The following UTP20 variants were observed in gnomAD, a reference collection of about 807,000 sequenced individuals.
UTP20 encodes UTP20 small subunit processome component.
UTP20 carries 164 observed loss-of-function variants against 329.5 expected under a neutral mutation model. The observed-to-expected ratio is 0.50, with a 90% CI of 0.44 to 0.57. UTP20 has a LOEUF of 0.57. Ranked by LOEUF, UTP20 falls within the 20% of genes least tolerant of loss-of-function variation. UTP20 has a pLI of 0.00. For missense variants in UTP20, 3,055 were observed against 3,284.2 expected (o/e 0.93, Z 1.71); for synonymous variants, 1,151 against 1,159.3 (o/e 0.99, Z 0.14).
chr12:101,324,992 C>T (rs1868506460), intron 25 of UTP20, among the ~76,000 whole-genome samples: 1 of 152,166 alleles, frequency 6.6e-6, no homozygotes, highest in South Asian at 2.1e-4. Context: ...TAGCCATCCA[C>T]ATGACAAAAC....
At chr12:101,330,417 C>T (rs1253702257) in intron 27 of UTP20, among the ~76,000 whole-genome samples, 2 of 152,052 alleles carry the variant, frequency 1.3e-5, no homozygotes, top group African/African-American at 2.4e-5. Flanking sequence ...ACTTTGTAGG[C>T]TATGATGAGG....
rs1868587048 is a variant in UTP20, at chr12:101,327,115, A to G, written c.3076A>G (p.Ser1026Gly). Residue 1026 changes from serine (S) to glycine (G), a missense_variant, in exon 26 of 62, where the codon AGT (serine) becomes GGT (glycine). By Grantham distance (56) the Ser-to-Gly change is moderately conservative. Transcript: ENST00000261637. ...TGGGCGAATGAAGAATAAGACTGGGAGTAAAACTCAGGGGAAATCTGCTTC... is the reference window on the plus strand; with the variant it reads ...TGGGCGAATGAAGAATAAGACTGGGGGTAAAACTCAGGGGAAATCTGCTTC... ...LYGRMKNKTG[S>G]KTQGKSASGT... 6.2e-7 allele frequency: 1 copy of G among 1,612,078 alleles called. No individual in the cohort carries two copies. Among genetic ancestry groups the G allele is most frequent in the Non-Finnish European group, 8.5e-7 (1 of 1,178,332 alleles).
At position 101,383,332 on chromosome 12, in the gene UTP20, ATGAC is replaced by A. The variant is rs1454927055; in HGVS notation, c.7929+24_7929+27del. On this transcript the variant is annotated intron_variant, in intron 59 of 61. Transcript: ENST00000261637. ...CTTAAAGGTGCGATGAATGCACAGA[ATGAC>A]TGACAGTAGTCATTTCTCTTTAAAA... 2 of 1,602,946 alleles carry A rather than the reference ATGAC, an allele frequency of 1.2e-6. No individual in the cohort carries two copies. Among genetic ancestry groups the A allele is most frequent in the African/African-American group, 2.7e-5 (2 of 74,448 alleles).
At chr12:101,312,350 A>G (rs1245877087) in intron 21 of UTP20, 74 bp downstream of exon 21, 6 of 1,549,716 alleles carry the variant, frequency 3.9e-6, no homozygotes, top group Non-Finnish European at 4.3e-6. Flanking sequence ...TAACCTCCCA[A>G]AGTGGCTGAG....
chr12:101,313,990 G>A (rs572234369), intron 21 of UTP20, among the ~76,000 whole-genome samples: 1 of 152,268 alleles, frequency 6.6e-6, no homozygotes, highest in Non-Finnish European at 1.5e-5. Context: ...GTTTGATCTG[G>A]AGATAACAAA....
At chr12:101,376,742 C>T (rs1593455586) in intron 56 of UTP20, among the ~76,000 whole-genome samples, 1 of 152,134 alleles carries the variant, frequency 6.6e-6, no homozygotes, top group South Asian at 2.1e-4. Flanking sequence ...CTCCGCCTTC[C>T]GGATTCAAGT....
At chr12:101,372,738 A>T in intron 51 of UTP20, 146 bp from the exon 52 acceptor site, 1 of 626,068 alleles carries the variant, frequency 1.6e-6, no homozygotes, top group Non-Finnish European at 2.8e-6. Context: ...TCATAGGCAG[A>T]TTTAGCTGGA....
At chr12:101,286,191 T>C (rs1565783707) in intron 4 of UTP20, 130 bp from the exon 5 acceptor site, 2 of 922,904 alleles carry the variant, frequency 2.2e-6, no homozygotes, top group Non-Finnish European at 3.1e-6. Context: ...AATTTTATAA[T>C]TTTTCAGACT....
chr12:101,311,729 C>A lies in UTP20; in HGVS notation c.2242C>A (p.His748Asn), dbSNP rs749099686. 1 of 1,610,628 alleles carries A rather than the reference C, an allele frequency of 6.2e-7. No individual in the cohort carries two copies. The highest frequency in any genetic ancestry group is 1.3e-5 in the African/African-American group (1 of 74,464). Residue 748 changes from histidine (H) to asparagine (N), a missense_variant, in exon 20 of 62, where the codon CAC becomes AAC. Physicochemically the swap from His to Asn is moderately conservative, Grantham distance 68 (BLOSUM62 1). This residue lies in a region of UTP20 where 2,445 missense variants were observed against 2,575.5 expected (regional missense o/e 0.95). Coordinates refer to ENST00000261637, the MANE Select transcript of UTP20 (RefSeq NM_014503.3). ...PVIELISSHA[H>N]EMENKQFWKV... ...TTTTTTTTCCCTTAGTTCTCATGCA[C>A]ACGAAATGGAAAATAAGCAATTTTG...
At chr12:101,378,886 C>T (rs1409626823) in intron 56 of UTP20, among the ~76,000 whole-genome samples, 1 of 152,100 alleles carries the variant, frequency 6.6e-6, no homozygotes, top group Non-Finnish European at 1.5e-5. Flanking sequence ...GTGCCTCTCC[C>T]ACCTCACTTC....
intron 41 of UTP20, 130 bp downstream of exon 41, chr12:101,355,248 C>G: frequency 1.0e-6 from 1 of 1,003,894 alleles, no homozygotes; most frequent in South Asian, 1.7e-5. Flanking sequence ...CAACACTTCA[C>G]AATTCACCCC....
chr12:101,319,951 A>T (rs897396983), intron 23 of UTP20, among the ~76,000 whole-genome samples: 3 of 152,218 alleles, frequency 2.0e-5, no homozygotes, highest in Non-Finnish European at 2.9e-5. Context: ...TATACAAAAA[A>T]ACAAGTGACT....
chr12:101,375,181 T>G (rs1307987331), intron 55 of UTP20, among the ~76,000 whole-genome samples: 1 of 152,106 alleles, frequency 6.6e-6, no homozygotes, highest in Non-Finnish European at 1.5e-5. Flanking sequence ...CATGCCTGTA[T>G]TTCCACCTTT....
At chr12:101,356,232 T>A (rs370389983) in intron 41 of UTP20, among the ~76,000 whole-genome samples, 25 of 152,340 alleles carry the variant, frequency 1.6e-4, no homozygotes, top group African/African-American at 5.3e-4. Context: ...GTTCAAGCGA[T>A]TCTCCTGCCT....
chr12:101,362,600 A>C lies in UTP20; in HGVS notation c.5790+540A>C, dbSNP rs984910345. On this transcript the variant is annotated intron_variant, in intron 44 of 61. Coordinates refer to ENST00000261637, the MANE Select transcript of UTP20 (RefSeq NM_014503.3). ...GCACCTGTAATCCCAGCTACCCAGG[A>C]GGCTGAAGCAGGAAAATCCCCTGAA... 2.8e-4 allele frequency among the ~76,000 whole-genome samples: 37 copies of C among 132,578 alleles called. 2 individuals are homozygous for C. Among genetic ancestry groups the C allele is most frequent in the Non-Finnish European group, 5.9e-5 (4 of 67,870 alleles). 87.0% of individuals were successfully genotyped at this position (132,578 alleles called of 152,430 possible).
rs577076209 is a variant in UTP20 at position 101,356,613 on chromosome 12, C to G, written c.5454C>G (p.Val1818=). The part of the protein sequence containing the change: ...VKSKVVNDEE[V]VRVPLAFAMV... ...CAAAGGTTGTGAATGATGAGGAAGT[C>G]GTTCGAGTTCCATTAGCTTTTGCCA... is the stretch of plus-strand genomic sequence containing the variant. Residue 1818 remains valine, a synonymous_variant, in exon 42 of 62, where the codon GTC becomes GTG. Coordinates refer to ENST00000261637, the MANE Select transcript of UTP20 (RefSeq NM_014503.3). 3 of 1,613,896 alleles carry G rather than the reference C, an allele frequency of 1.9e-6. No homozygotes were observed. Among genetic ancestry groups the G allele is most frequent in the Admixed American group, 3.3e-5 (2 of 59,990 alleles).
At chr12:101,364,962 C>T (rs1377327175) in intron 45 of UTP20, among the ~76,000 whole-genome samples, 2 of 152,116 alleles carry the variant, frequency 1.3e-5, no homozygotes, top group African/African-American at 4.8e-5. Context: ...ATCCTGGTTC[C>T]CATTAGGTTC....
In UTP20 at chr12:101,317,673, C is replaced by T. The variant is rs1873020163; in HGVS notation, c.2738+10C>T. Reference sequence around the variant, plus strand: ...GGAGAGCTGCAGCAAAGTAAGTTCACCATTGCTGAAAGATCACAGATCCAC... The same window carrying T: ...GGAGAGCTGCAGCAAAGTAAGTTCATCATTGCTGAAAGATCACAGATCCAC... On this transcript the variant is annotated intron_variant, in intron 22 of 61. Coordinates refer to ENST00000261637, the MANE Select transcript of UTP20 (RefSeq NM_014503.3). 2.5e-6 allele frequency: 4 copies of T among 1,596,690 alleles called. No homozygotes were observed. In the East Asian group the frequency reaches 6.8e-5, roughly 27 times the overall value.
At chr12:101,281,959 T>A (rs2137224848) in intron 2 of UTP20, among the ~76,000 whole-genome samples, 1 of 152,284 alleles carries the variant, frequency 6.6e-6, no homozygotes, top group South Asian at 2.1e-4. Flanking sequence ...CGCCTTGGCC[T>A]CCGAAAGTGC....
Sources: allele counts gnomAD v4.1 joint callset (sites outside exome capture counted in the v4.1 genomes callset), GRCh38; gene constraint gnomAD v4.1.1; regional missense constraint gnomAD v4.1.1; transcripts MANE v1.5; gene names NCBI Gene and HGNC (gene_info 2026-07-23, HGNC 2026-07-21).